Variants in LOC128462377 observed in about 807,000 individuals in gnomAD.
the LOC128462377 span, among the ~76,000 whole-genome samples, chr16:89,343,082 G>C: frequency 2.0e-4 from 30 of 152,292 alleles, 1 homozygote; most frequent in Middle Eastern, 0.01. Context: ...GTGCAGTGGT[G>C]CGATCTCGGC....
chr16:89,382,754 A>G, the LOC128462377 span, among the ~76,000 whole-genome samples: 1 of 152,228 alleles, frequency 6.6e-6, no homozygotes, highest in Non-Finnish European at 1.5e-5. Context: ...TGCTGAGATT[A>G]TAGGTGTGAG....
At chr16:89,411,146 C>T in the LOC128462377 span, among the ~76,000 whole-genome samples, 2 of 152,266 alleles carry the variant, frequency 1.3e-5, no homozygotes, top group South Asian at 2.1e-4. Flanking sequence ...CACAGGGGCT[C>T]GGGCCCACGC....
chr16:89,379,724 C>T, the LOC128462377 span, among the ~76,000 whole-genome samples: 10 of 152,190 alleles, frequency 6.6e-5, no homozygotes, highest in Non-Finnish European at 1.2e-4. Context: ...CACGGATTTG[C>T]GAAGAACGTG....
chr16:89,339,457 G>A, the LOC128462377 span, among the ~76,000 whole-genome samples: 1 of 144,180 alleles, frequency 6.9e-6, no homozygotes, highest in Non-Finnish European at 1.6e-5. Flanking sequence ...GGTCCGAGGA[G>A]CCCATCCTGC....
At chr16:89,390,719 C>A in the LOC128462377 span, among the ~76,000 whole-genome samples, 3 of 152,032 alleles carry the variant, frequency 2.0e-5, no homozygotes, top group Admixed American at 6.6e-5. Context: ...GGCCAGCACC[C>A]GTAAGTCCTG....
chr16:89,356,076 T>C, the LOC128462377 span, among the ~76,000 whole-genome samples: 1 of 152,150 alleles, frequency 6.6e-6, no homozygotes, highest in African/African-American at 2.4e-5. Context: ...GTGAGACTTG[T>C]CTCAAAACAA....
At chr16:89,402,100 T>C in the LOC128462377 span, among the ~76,000 whole-genome samples, 3 of 152,196 alleles carry the variant, frequency 2.0e-5, no homozygotes. Flanking sequence ...TCTCTGTCCA[T>C]GGACCTCTTT....
At chr16:89,409,310 T>G in the LOC128462377 span, among the ~76,000 whole-genome samples, 1 of 152,160 alleles carries the variant, frequency 6.6e-6, no homozygotes, top group Non-Finnish European at 1.5e-5. Flanking sequence ...CCCCACAGGT[T>G]CTAGCACTCC....
At chr16:89,320,637 C>T in the LOC128462377 span, among the ~76,000 whole-genome samples, 14 of 151,748 alleles carry the variant, frequency 9.2e-5, no homozygotes, top group Admixed American at 2.0e-4. Context: ...GTCCCCCACA[C>T]GAGCCACTGG....
At chr16:89,349,154 A>AAAAAAAAAGAAAAAAG in the LOC128462377 span, among the ~76,000 whole-genome samples, 2 of 146,618 alleles carry the variant, frequency 1.4e-5, no homozygotes, top group African/African-American at 2.5e-5. Context: ...AAAAAAAAAA[A>AAAAAAAAAGAAAAAAG]AAAAAAAGAA....
At chr16:89,381,855 T>C in the LOC128462377 span, among the ~76,000 whole-genome samples, 2 of 152,200 alleles carry the variant, frequency 1.3e-5, no homozygotes, top group Non-Finnish European at 2.9e-5. Context: ...CAGGAGGGCA[T>C]AACTTACAGC....
the LOC128462377 span, among the ~76,000 whole-genome samples, chr16:89,361,036 G>C: frequency 2.6e-5 from 4 of 152,184 alleles, no homozygotes; most frequent in African/African-American, 9.6e-5. Context: ...AACCTGGGCA[G>C]CCCTGGGCTC....
the LOC128462377 span, among the ~76,000 whole-genome samples, chr16:89,415,532 G>A: frequency 3.3e-4 from 50 of 151,828 alleles, 1 homozygote; most frequent in African/African-American, 1.2e-3. Flanking sequence ...CCAAAGTGCT[G>A]GGATTACAGG....
At chr16:89,381,354 A>AGGG in the LOC128462377 span, among the ~76,000 whole-genome samples, 48,480 of 122,896 alleles carry the variant, frequency 0.39, 10,167 homozygotes, top group Middle Eastern at 0.56. Flanking sequence ...AAAAAAAAAA[A>AGGG]GGGGTGAGAA....
At chr16:89,342,245 A>G in the LOC128462377 span, among the ~76,000 whole-genome samples, 3 of 152,264 alleles carry the variant, frequency 2.0e-5, no homozygotes, top group East Asian at 5.8e-4. Flanking sequence ...GCCTGGGCAA[A>G]GGTTCCAGGT....
the LOC128462377 span, among the ~76,000 whole-genome samples, chr16:89,320,975 A>C: frequency 6.6e-6 from 1 of 152,222 alleles, no homozygotes; most frequent in African/African-American, 2.4e-5. Context: ...AGGTGGCTTC[A>C]AGAGCACTCA....
chr16:89,334,160 A>AC, the LOC128462377 span, among the ~76,000 whole-genome samples: 65 of 141,074 alleles, frequency 4.6e-4, 1 homozygote, highest in East Asian at 6.7e-4. Context: ...AAAAAAAAAA[A>AC]AAAAAAAAAA....
the LOC128462377 span, among the ~76,000 whole-genome samples, chr16:89,357,441 G>A: frequency 9.3e-4 from 141 of 151,712 alleles, no homozygotes; most frequent in African/African-American, 3.3e-3. Context: ...TGGTGCAACT[G>A]CCAAAAAAAA....
the LOC128462377 span, among the ~76,000 whole-genome samples, chr16:89,416,621 A>T: frequency 6.7e-6 from 1 of 150,338 alleles, no homozygotes; most frequent in African/African-American, 2.4e-5. Context: ...TAATAATTTT[A>T]TTTTTCACAC....
Sources: allele counts gnomAD v4.1 joint callset (sites outside exome capture counted in the v4.1 genomes callset), GRCh38; gene constraint gnomAD v4.1.1; transcripts MANE v1.5.